The following ADAMTSL1 variants were observed in gnomAD, a reference collection of about 807,000 sequenced individuals.
The protein encoded by ADAMTSL1 is ADAMTS like 1.
In ADAMTSL1, 126 loss-of-function variants were observed where a neutral mutation model predicts 201.8. The ratio of observed to expected loss-of-function variants is 0.62; its 90% CI spans 0.54 to 0.72. The LOEUF (loss-of-function observed/expected upper bound fraction) is 0.72, where lower values mean the gene tolerates loss of function less well. Among genes scored for constraint, ADAMTSL1 ranks in the 30% least tolerant of loss-of-function variants. The pLI is 0.00. For missense variants in ADAMTSL1, 2,679 were observed against 2,277.8 expected (o/e 1.18, Z -3.59); for synonymous variants, 1,121 against 903.4 (o/e 1.24, Z -4.32).
chr9:18,337,660 T>A (rs1835299754), intron 2 of ADAMTSL1, among the ~76,000 whole-genome samples: 1 of 152,150 alleles, frequency 6.6e-6, no homozygotes, highest in Non-Finnish European at 1.5e-5. Context: ...TACTGTTAAC[T>A]ACTACACTAT....
chr9:18,159,396 G>T (rs1827291516), intron 1 of ADAMTSL1, among the ~76,000 whole-genome samples: 1 of 151,954 alleles, frequency 6.6e-6, no homozygotes, highest in Non-Finnish European at 1.5e-5. Flanking sequence ...GATCATTTCA[G>T]GGCATGTTTG....
chr9:18,663,746 G>A (rs1301521664), intron 9 of ADAMTSL1, among the ~76,000 whole-genome samples: 3 of 151,976 alleles, frequency 2.0e-5, no homozygotes, highest in Non-Finnish European at 4.4e-5. Flanking sequence ...TCAAGAGATG[G>A]CCATGGAAGA....
chr9:18,429,933 G>A (rs921059997), intron 2 of ADAMTSL1, among the ~76,000 whole-genome samples: 2 of 151,986 alleles, frequency 1.3e-5, no homozygotes, highest in African/African-American at 4.8e-5. Context: ...GGGATTACAG[G>A]CACGTGCCAC....
At chr9:18,753,814 A>G (rs915420941) in intron 16 of ADAMTSL1, among the ~76,000 whole-genome samples, 1 of 152,190 alleles carries the variant, frequency 6.6e-6, no homozygotes, top group Non-Finnish European at 1.5e-5. Flanking sequence ...AAATCAAGAC[A>G]ATGTGGTGGG....
At chr9:18,890,460 C>T (rs1829175734) in intron 25 of ADAMTSL1, 1 of 455,218 alleles carries the variant, frequency 2.2e-6, no homozygotes, top group African/African-American at 2.0e-5. Flanking sequence ...TGCTGAGAGC[C>T]TGGGGGGATG....
chr9:18,424,980 A>G (rs1450523820), intron 2 of ADAMTSL1, among the ~76,000 whole-genome samples: 4 of 152,230 alleles, frequency 2.6e-5, no homozygotes, highest in Admixed American at 2.6e-4. Flanking sequence ...TATGATCTGA[A>G]TATTAGTTGG....
At chr9:18,307,881 A>G (rs571835840) in intron 2 of ADAMTSL1, among the ~76,000 whole-genome samples, 1 of 152,326 alleles carries the variant, frequency 6.6e-6, no homozygotes, top group African/African-American at 2.4e-5. Context: ...CCCAAAATCA[A>G]CAGAATATAC....
intron 1 of ADAMTSL1, among the ~76,000 whole-genome samples, chr9:18,074,102 G>C (rs1203008818): frequency 6.6e-6 from 1 of 152,016 alleles, no homozygotes; most frequent in African/African-American, 2.4e-5. Context: ...CTTACGCTTT[G>C]AGCATTGGGG....
At chr9:18,364,244 A>C (rs1329789334) in intron 2 of ADAMTSL1, among the ~76,000 whole-genome samples, 2 of 152,076 alleles carry the variant, frequency 1.3e-5, no homozygotes, top group East Asian at 3.9e-4. Context: ...ATAGCAGTAC[A>C]CTCAGTGAGA....
chr9:18,682,831 A>G (rs534115687), intron 12 of ADAMTSL1, among the ~76,000 whole-genome samples: 1 of 152,278 alleles, frequency 6.6e-6, no homozygotes, highest in African/African-American at 2.4e-5. Context: ...TAAATTAATG[A>G]TATAAAAGGA....
chr9:18,366,921 T>C (rs996018566), intron 2 of ADAMTSL1, among the ~76,000 whole-genome samples: 1 of 152,144 alleles, frequency 6.6e-6, no homozygotes, highest in African/African-American at 2.4e-5. Context: ...TCACCAACCA[T>C]TTAAAGTGAA....
At chr9:18,369,616 CCTA>C (rs1318988079) in intron 2 of ADAMTSL1, among the ~76,000 whole-genome samples, 2 of 152,166 alleles carry the variant, frequency 1.3e-5, no homozygotes, top group African/African-American at 2.4e-5. Flanking sequence ...ACCCATCTAT[CCTA>C]CTACTGTGTA....
chr9:18,565,086 C>A (rs540110168), intron 3 of ADAMTSL1, among the ~76,000 whole-genome samples: 12 of 152,288 alleles, frequency 7.9e-5, no homozygotes, highest in African/African-American at 2.6e-4. Flanking sequence ...ACTAGCCTGG[C>A]AAACCATTTG....
intron 2 of ADAMTSL1, among the ~76,000 whole-genome samples, chr9:18,340,604 T>C (rs1433581428): frequency 2.6e-5 from 4 of 152,138 alleles, no homozygotes; most frequent in Admixed American, 6.6e-5. Context: ...GTAATCTCCA[T>C]GTGTTGTGGG....
At chr9:18,598,202 G>T (rs1003293806) in intron 4 of ADAMTSL1, among the ~76,000 whole-genome samples, 20 of 152,130 alleles carry the variant, frequency 1.3e-4, no homozygotes, top group African/African-American at 3.4e-4. Context: ...AGGGACCGTG[G>T]AGAAATTATC....
chr9:18,594,671 T>C (rs1327294366), intron 4 of ADAMTSL1, among the ~76,000 whole-genome samples: 1 of 152,228 alleles, frequency 6.6e-6, no homozygotes, highest in African/African-American at 2.4e-5. Flanking sequence ...AAAAATTATT[T>C]TAATTTCTCT....
intron 23 of ADAMTSL1, among the ~76,000 whole-genome samples, chr9:18,843,166 C>T (rs1166284534): frequency 1.3e-5 from 2 of 150,846 alleles, no homozygotes; most frequent in African/African-American, 5.0e-5. Flanking sequence ...TTTGCAGTGG[C>T]TGGTACCGGT....
At chr9:18,507,011 A>G (rs60199560) in intron 2 of ADAMTSL1, among the ~76,000 whole-genome samples, 5,436 of 152,286 alleles carry the variant, frequency 0.036, 328 homozygotes, top group African/African-American at 0.12. Flanking sequence ...TCTTTAGCAA[A>G]TCAAAAACTT....
In ADAMTSL1 at chr9:18,906,693, C is replaced by T. The variant is rs2131626908; in HGVS notation, c.4963C>T (p.Pro1655Ser). ...PSEQCSALPR[P>S]VSTQNCWSEA... ...AACCCTGCCACCATCCTCCTGCAGGCCTGTGAGCACCCAGAACTGCTGGTC... is the reference window on the plus strand; with the variant it reads ...AACCCTGCCACCATCCTCCTGCAGGTCTGTGAGCACCCAGAACTGCTGGTC... The change falls in exon 28 of 29, where the codon CCT (proline) becomes TCT (serine). Residue 1655 changes from proline to serine, a missense_variant and splice_region_variant. Coordinates refer to ENST00000380548, the MANE Select transcript of ADAMTSL1 (RefSeq NM_001040272.6). 6.3e-7 allele frequency: 1 copy of T among 1,586,422 alleles called. No individual in the cohort carries two copies. Among genetic ancestry groups the T allele is most frequent in the East Asian group, 2.3e-5 (1 of 43,818 alleles).
Sources: allele counts gnomAD v4.1 joint callset (sites outside exome capture counted in the v4.1 genomes callset), GRCh38; gene constraint gnomAD v4.1.1; transcripts MANE v1.5; gene names NCBI Gene and HGNC (gene_info 2026-07-23, HGNC 2026-07-21).